Variants in STON2 observed in about 807,000 individuals in gnomAD.
STON2 encodes the protein stonin-2.
STON2 carries 29 observed loss-of-function variants against 65.7 expected under a neutral mutation model. The ratio of observed to expected loss-of-function variants is 0.44; its 90% CI spans 0.33 to 0.60. The LOEUF (loss-of-function observed/expected upper bound fraction) is 0.60. Ranked by LOEUF, STON2 falls within the 20% of genes least tolerant of loss-of-function variation. STON2 has a pLI of 0.03. For missense variants in STON2, 1,054 were observed against 1,118.1 expected, an observed-to-expected ratio of 0.94 and a Z score of 0.82; for synonymous variants, 404 against 414.2, an observed-to-expected ratio of 0.98 and a Z score of 0.30.
At chr14:81,367,204 A>G (rs1335172795) in intron 4 of STON2, among the ~76,000 whole-genome samples, 1 of 152,006 alleles carries the variant, frequency 6.6e-6, no homozygotes, top group Non-Finnish European at 1.5e-5. Context: ...TGTGAGACCA[A>G]GTCTCACTCT....
intron 5 of STON2, among the ~76,000 whole-genome samples, chr14:81,315,175 C>T (rs1164179131): frequency 1.3e-5 from 2 of 152,204 alleles, no homozygotes; most frequent in African/African-American, 2.4e-5. Flanking sequence ...TACTATCACT[C>T]TATTTGCTAA....
chr14:81,264,258 T>C lies in STON2; in HGVS notation c.*4156A>G. 1 of 985,450 alleles carries C rather than the reference T, an allele frequency of 1.0e-6. No individual in the cohort carries two copies. The highest frequency in any genetic ancestry group is 1.2e-6 in the Non-Finnish European group (1 of 829,926). The allele number at this position is 985,450 out of a possible 1,614,324, so 61.0% of individuals were successfully genotyped here. On this transcript the variant is annotated 3_prime_UTR_variant, in exon 8 of 8. Coordinates refer to ENST00000614646, the MANE Select transcript of STON2 (RefSeq NM_001394390.1). Reference sequence around the variant, plus strand: ...TATTAAGTGCCTAAATGCTGACAGGTTTTATTACTTGACTCTGGAGGCAGG... The same window carrying C: ...TATTAAGTGCCTAAATGCTGACAGGCTTTATTACTTGACTCTGGAGGCAGG...
At position 81,261,411 on chromosome 14, in the gene STON2, C is replaced by T. The variant is rs547547102; in HGVS notation, c.*7003G>A. On this transcript the variant is annotated 3_prime_UTR_variant, in exon 8 of 8. Transcript: ENST00000614646. ...GAATCAATCCAACACATCTGACTAC[C>T]ACAAATACAACCAGAAAAGAAACTA... 6.4e-6 allele frequency: 1 copy of T among 156,380 alleles called. No homozygotes were observed. The highest frequency in any genetic ancestry group is 2.4e-5 in the African/African-American group (1 of 41,660). The allele number at this position is 156,380 out of a possible 1,614,324, so 9.7% of individuals were successfully genotyped here. A position where few individuals can be genotyped will look rare whatever the true frequency, so the allele number is the denominator to read the frequency against.
At chr14:81,333,027 G>T in intron 4 of STON2, 2 of 588,120 alleles carry the variant, frequency 3.4e-6, no homozygotes, top group South Asian at 1.9e-5. Context: ...TTCTGTTCTT[G>T]TGTCCCTCTT....
Position 81,262,362 on chromosome 14 carries a change from C to T in STON2, c.*6052G>A. Reference sequence around the variant, plus strand: ...CCTTTAGGGAAGCTGGCTGCTAACACAGCACCTGACCAGAGTAGACATTTG... The same window carrying T: ...CCTTTAGGGAAGCTGGCTGCTAACATAGCACCTGACCAGAGTAGACATTTG... On this transcript the variant is annotated 3_prime_UTR_variant, in exon 8 of 8. Transcript: ENST00000614646. 1.0e-6 allele frequency: 1 copy of T among 985,438 alleles called. No individual in the cohort carries two copies. Among genetic ancestry groups the T allele is most frequent in the South Asian group, 4.7e-5 (1 of 21,282 alleles). The allele number at this position is 985,438 out of a possible 1,614,324, so 61.0% of individuals were successfully genotyped here. A position where few individuals can be genotyped will look rare whatever the true frequency, so the allele number is the denominator to read the frequency against.
chr14:81,293,955 A>G (rs1048109096), intron 5 of STON2, among the ~76,000 whole-genome samples: 2 of 152,194 alleles, frequency 1.3e-5, no homozygotes, highest in African/African-American at 4.8e-5. Flanking sequence ...TAACACAGTA[A>G]AAGCTGATAC....
chr14:81,345,705 G>A (rs1402157844), intron 4 of STON2, among the ~76,000 whole-genome samples: 3 of 151,898 alleles, frequency 2.0e-5, no homozygotes, highest in African/African-American at 7.3e-5. Context: ...AGGTTGCAGT[G>A]AACCAAGATC....
At chr14:81,426,551 A>C (rs1901984116) in intron 2 of STON2, among the ~76,000 whole-genome samples, 1 of 152,022 alleles carries the variant, frequency 6.6e-6, no homozygotes, top group South Asian at 2.1e-4. Context: ...TTCAACATCT[A>C]ACAAGACTCT....
chr14:81,357,172 G>C (rs1024344514), intron 4 of STON2, among the ~76,000 whole-genome samples: 69 of 151,364 alleles, frequency 4.6e-4, no homozygotes, highest in African/African-American at 1.6e-3. Flanking sequence ...CTAATATCCA[G>C]AATCTACAAT....
intron 2 of STON2, among the ~76,000 whole-genome samples, chr14:81,407,381 T>C (rs924653569): frequency 3.9e-5 from 6 of 152,256 alleles, no homozygotes; most frequent in Admixed American, 1.3e-4. Context: ...TATAGATTAA[T>C]TCCATTGCTC....
At chr14:81,397,069 C>T (rs1242829230) in intron 2 of STON2, among the ~76,000 whole-genome samples, 5 of 152,038 alleles carry the variant, frequency 3.3e-5, no homozygotes, top group Admixed American at 3.3e-4. Flanking sequence ...AAAACAACAA[C>T]AACAACAAAA....
chr14:81,415,668 CAA>C (rs35270491), intron 2 of STON2, among the ~76,000 whole-genome samples: 71 of 77,242 alleles, frequency 9.2e-4, no homozygotes, highest in South Asian at 2.9e-3. Flanking sequence ...GACTCCATCG[CAA>C]AAAAAAAAAA....
chr14:81,308,614 C>T (rs912218153), intron 5 of STON2, among the ~76,000 whole-genome samples: 7 of 151,800 alleles, frequency 4.6e-5, no homozygotes, highest in South Asian at 2.1e-4. Flanking sequence ...CTAATAAGGC[C>T]TGGCCACTCA....
intron 7 of STON2, chr14:81,268,760 T>C (rs1302694632): frequency 2.0e-6 from 1 of 508,362 alleles, no homozygotes; most frequent in African/African-American, 2.0e-5. Flanking sequence ...TGGTCAAAGA[T>C]CACCCCTTCT....
At chr14:81,396,777 G>A (rs530762357) in intron 2 of STON2, among the ~76,000 whole-genome samples, 72 of 152,192 alleles carry the variant, frequency 4.7e-4, no homozygotes, top group African/African-American at 1.7e-3. Flanking sequence ...TAAAAAACCT[G>A]GCCGGGCGCA....
At chr14:81,329,119 T>C (rs577637380) in intron 4 of STON2, among the ~76,000 whole-genome samples, 2 of 152,276 alleles carry the variant, frequency 1.3e-5, no homozygotes, top group East Asian at 1.9e-4. Flanking sequence ...CGAGGTCATA[T>C]TGGATTAGGG....
At chr14:81,369,555 A>G (rs1419198556) in intron 4 of STON2, among the ~76,000 whole-genome samples, 1 of 152,234 alleles carries the variant, frequency 6.6e-6, no homozygotes, top group African/African-American at 2.4e-5. Flanking sequence ...AACTTGTTTC[A>G]ACCCTGATGG....
intron 4 of STON2, among the ~76,000 whole-genome samples, chr14:81,352,952 G>A (rs1898081215): frequency 6.6e-6 from 1 of 152,094 alleles, no homozygotes; most frequent in African/African-American, 2.4e-5. Flanking sequence ...CAATATCATG[G>A]AAAAGCTTTC....
intron 1 of STON2, among the ~76,000 whole-genome samples, chr14:81,431,525 T>C (rs1423348275): frequency 2.0e-5 from 3 of 152,066 alleles, no homozygotes; most frequent in Non-Finnish European, 4.4e-5. Flanking sequence ...ACGCCTGTGA[T>C]CCCAGCACTT....
Sources: allele counts gnomAD v4.1 joint callset (sites outside exome capture counted in the v4.1 genomes callset), GRCh38; gene constraint gnomAD v4.1.1; transcripts MANE v1.5; gene names NCBI Gene and HGNC (gene_info 2026-07-23, HGNC 2026-07-21).